ZPBP: variants seen among roughly 807,000 people sequenced by gnomAD.
ZPBP encodes zona pellucida binding protein.
A neutral mutation model predicts 44.8 loss-of-function variants in ZPBP; 26 were observed. The observed-to-expected ratio is 0.58, with a 90% CI of 0.43 to 0.81. The LOEUF is 0.81. ZPBP is among the 30% of genes least tolerant of loss of function. The pLI is 0.00. For missense variants in ZPBP, 409 were observed against 434.0 expected, an observed-to-expected ratio of 0.94 and a Z score of 0.51; for synonymous variants, 174 against 153.2, an observed-to-expected ratio of 1.14 and a Z score of -1.00.
chr7:49,908,903 TATTCTA>T (rs2128741437), intron 1 of ZPBP, among the ~76,000 whole-genome samples: 4 of 152,350 alleles, frequency 2.6e-5, no homozygotes, highest in African/African-American at 9.6e-5. Flanking sequence ...AAAGATTTTA[TATTCTA>T]CAGTAAAATG....
intron 7 of ZPBP, among the ~76,000 whole-genome samples, chr7:49,944,743 ATTTAT>A (rs1399057788): frequency 2.6e-5 from 4 of 151,816 alleles, no homozygotes; most frequent in Non-Finnish European, 5.9e-5. Flanking sequence ...TTTTATTTTC[ATTTAT>A]TTTATCTTCT....
chr7:49,883,191 A>C (rs1195023236), intron 2 of ZPBP, among the ~76,000 whole-genome samples: 1 of 152,054 alleles, frequency 6.6e-6, no homozygotes, highest in Non-Finnish European at 1.5e-5. Flanking sequence ...GAGGAGAAGC[A>C]GGCAATGAAG....
intron 7 of ZPBP, among the ~76,000 whole-genome samples, chr7:49,978,016 G>A (rs999437617): frequency 4.9e-4 from 75 of 151,646 alleles, no homozygotes; most frequent in African/African-American, 1.5e-3. Context: ...AAAATAGGAA[G>A]GGATCTGGGG....
At chr7:50,072,976 A>G (rs1163704301) in intron 3 of ZPBP, among the ~76,000 whole-genome samples, 3 of 152,274 alleles carry the variant, frequency 2.0e-5, no homozygotes, top group African/African-American at 7.2e-5. Context: ...GAAGACTACA[A>G]TGAATACTTA....
Position 50,031,061 on chromosome 7 carries a change from T to C in ZPBP, c.706+31A>G, listed in dbSNP as rs967180975. On this transcript the variant is annotated intron_variant, in intron 5 of 7. Coordinates refer to ENST00000046087, the MANE Select transcript of ZPBP (RefSeq NM_007009.3). ...TTAACTATTAGTTATGTGTTCTCCATTTGCTTTTCTAACAAATTGTATAGA... is the reference window on the plus strand; with the variant it reads ...TTAACTATTAGTTATGTGTTCTCCACTTGCTTTTCTAACAAATTGTATAGA... 2.5e-6 allele frequency: 4 copies of C among 1,596,864 alleles called. No individual in the cohort carries two copies. The East Asian group carries it at 8.9e-5, about 36-fold the overall frequency.
intron 7 of ZPBP, among the ~76,000 whole-genome samples, chr7:49,953,513 T>C (rs1225283166): frequency 6.6e-6 from 1 of 152,088 alleles, no homozygotes; most frequent in Non-Finnish European, 1.5e-5. Context: ...GACTGAATAT[T>C]GAACAAGAAC....
chr7:50,044,461 A>T (rs181377150), intron 4 of ZPBP, among the ~76,000 whole-genome samples: 1 of 152,212 alleles, frequency 6.6e-6, no homozygotes, highest in Non-Finnish European at 1.5e-5. Flanking sequence ...TCAAACGGAC[A>T]CAATAAAAAA....
At chr7:49,860,439 T>G (rs78522417) in intron 2 of ZPBP, among the ~76,000 whole-genome samples, 4,188 of 152,348 alleles carry the variant, frequency 0.027, 161 homozygotes, top group South Asian at 0.12. Flanking sequence ...GCTTCATTCC[T>G]TTCTGTGGCT....
At chr7:49,936,754 G>A (rs1352371613), downstream of ZPBP, among the ~76,000 whole-genome samples, 1 of 152,132 alleles carries the variant, frequency 6.6e-6, no homozygotes, top group Non-Finnish European at 1.5e-5. Context: ...GATGGTATGA[G>A]TAATTAATAT....
chr7:49,845,441 T>G (rs1175669943), downstream of ZPBP, among the ~76,000 whole-genome samples: 1 of 152,178 alleles, frequency 6.6e-6, no homozygotes, highest in Non-Finnish European at 1.5e-5. Flanking sequence ...TATCAATATA[T>G]TAGTGAGATA....
chr7:50,052,244 C>T (rs1800732586), intron 4 of ZPBP, among the ~76,000 whole-genome samples: 1 of 151,760 alleles, frequency 6.6e-6, no homozygotes, highest in Admixed American at 6.6e-5. Context: ...TATCAAAAAA[C>T]CCAATGTTAA....
At chr7:49,842,552 C>G in the ZPBP span, among the ~76,000 whole-genome samples, 2 of 152,126 alleles carry the variant, frequency 1.3e-5, no homozygotes. Context: ...GAATCCACAC[C>G]CTTACCTGTA....
chr7:49,884,097 A>G (rs1352795136), intron 2 of ZPBP, among the ~76,000 whole-genome samples: 1 of 152,180 alleles, frequency 6.6e-6, no homozygotes, highest in Admixed American at 6.5e-5. Context: ...CCAGCTGCAA[A>G]CCTGTCAGGC....
chr7:50,056,280 T>G (rs951992245), intron 4 of ZPBP: 1 of 152,224 alleles, frequency 6.6e-6, no homozygotes, highest in African/African-American at 2.4e-5. Flanking sequence ...TCCAATTCTT[T>G]GTCATTTCTA....
At chr7:49,939,148 C>T (rs1794748967) in intron 7 of ZPBP, among the ~76,000 whole-genome samples, 1 of 152,136 alleles carries the variant, frequency 6.6e-6, no homozygotes, top group South Asian at 2.1e-4. Flanking sequence ...CATTTTCTCT[C>T]AAAGCACACC....
At chr7:50,045,194 T>G (rs1213535174) in intron 4 of ZPBP, among the ~76,000 whole-genome samples, 3 of 152,158 alleles carry the variant, frequency 2.0e-5, no homozygotes, top group African/African-American at 4.8e-5. Flanking sequence ...GCCAATATCA[T>G]AATAAATGGG....
chr7:49,855,395 A>G lies in ZPBP; in HGVS notation n.510-4881T>C, dbSNP rs150822684. Among the ~76,000 whole-genome samples, 1,013 of 152,096 alleles carry G rather than the reference A, an allele frequency of 6.7e-3. 7 individuals carry two copies. The highest frequency in any genetic ancestry group is 0.023 in the African/African-American group (953 of 41,490). On this transcript the variant is annotated intron_variant and non_coding_transcript_variant, in intron 2 of 2. Transcript: ENST00000465922. ...TAGGTGGTATATTTACATGACAGGG[A>G]CCTTGTCAGCATCTCTGGGTGGGAG...
intron 2 of ZPBP, among the ~76,000 whole-genome samples, chr7:50,087,999 G>T (rs542733044): frequency 2.5e-4 from 38 of 152,078 alleles, no homozygotes; most frequent in Middle Eastern, 3.4e-3. Flanking sequence ...GAACAAATTT[G>T]AAGGACTCAC....
chr7:50,029,618 A>C (rs1036784475), intron 5 of ZPBP, among the ~76,000 whole-genome samples: 10 of 152,224 alleles, frequency 6.6e-5, no homozygotes, highest in East Asian at 3.8e-4. Flanking sequence ...TCTTACAACA[A>C]CACCAAAAAG....
Sources: gnomAD v4.1 joint callset for allele counts (sites outside exome capture counted in the v4.1 genomes callset) on GRCh38, gnomAD v4.1.1 for gene constraint, MANE v1.5 for transcripts, NCBI Gene and HGNC (gene_info 2026-07-23, HGNC 2026-07-21) for gene names.